PRCP: variants seen among roughly 807,000 people sequenced by gnomAD.
PRCP encodes the protein lysosomal Pro-X carboxypeptidase.
Under a neutral mutation model 54.2 loss-of-function variants are expected in PRCP, and 46 were observed. That is an observed-to-expected ratio of 0.85 (90% CI 0.67 to 1.09). The LOEUF (loss-of-function observed/expected upper bound fraction) is 1.09. Ranked by LOEUF, PRCP falls within the 50% of genes least tolerant of loss-of-function variation. The pLI is 0.00. For synonymous variants in PRCP, 240 were observed against 212.2 expected, an observed-to-expected ratio of 1.13 and a Z score of -1.14; for missense variants, 613 against 596.8, an observed-to-expected ratio of 1.03 and a Z score of -0.28.
intron 1 of PRCP, among the ~76,000 whole-genome samples, chr11:82,861,933 A>C (rs981481209): frequency 6.6e-6 from 1 of 152,168 alleles, no homozygotes; most frequent in Non-Finnish European, 1.5e-5. Context: ...CTAATCCAAA[A>C]ATCCAAAATC....
rs539956988 is a variant in PRCP, at chr11:82,850,320, T to C, written c.593+4A>G. On this transcript the variant is annotated splice_donor_region_variant and intron_variant, in intron 4 of 8. Coordinates refer to ENST00000313010, the MANE Select transcript of PRCP (RefSeq NM_005040.4). ...ACGTTCATGTCCAGTACAAATGCAC[T>C]TACCCAACTACCATATGAGGATATT... 6 of 1,516,504 alleles carry C rather than the reference T, an allele frequency of 4.0e-6. No homozygotes were observed. The East Asian group carries it at 1.2e-4, about 31-fold the overall frequency. The allele number at this position is 1,516,504 out of a possible 1,614,324, so 93.9% of individuals were successfully genotyped here.
Position 82,824,752 on chromosome 11 carries a change from G to C in PRCP, c.*154C>G, listed in dbSNP as rs1858179568. On this transcript the variant is annotated 3_prime_UTR_variant, in exon 9 of 9. Transcript: ENST00000313010. ...AGGAAATCACATTCATGGGACACTT[G>C]CTCTTACCGTCATCACCCTCTATTC... 1.4e-6 allele frequency: 1 copy of C among 736,746 alleles called. No individual in the cohort carries two copies. Among genetic ancestry groups the C allele is most frequent in the East Asian group, 2.8e-5 (1 of 36,198 alleles). The allele number at this position is 736,746 out of a possible 1,614,324, so 45.6% of individuals were successfully genotyped here. A position where few individuals can be genotyped will look rare whatever the true frequency, so the allele number is the denominator to read the frequency against.
intron 1 of PRCP, among the ~76,000 whole-genome samples, chr11:82,886,234 C>T (rs1471201733): frequency 6.6e-6 from 1 of 152,178 alleles, no homozygotes; most frequent in Non-Finnish European, 1.5e-5. Context: ...AACTTTATTA[C>T]TGTCTAATAT....
intron 4 of PRCP, 105 bp from the exon 5 acceptor site, chr11:82,850,176 A>C: frequency 3.2e-6 from 3 of 932,666 alleles, no homozygotes; most frequent in Non-Finnish European, 2.8e-6. Context: ...ACATAATAAA[A>C]ATATTGAGAA....
At chr11:82,845,611 A>G (rs532638434) in intron 6 of PRCP, 1 of 152,356 alleles carries the variant, frequency 6.6e-6, no homozygotes, top group East Asian at 1.9e-4. Flanking sequence ...GGTCGCATAC[A>G]TTACCAAACA....
chr11:82,825,246 T>A, intron 8 of PRCP, 124 bp from the exon 9 acceptor site: 1 of 839,702 alleles, frequency 1.2e-6, no homozygotes, highest in Non-Finnish European at 1.8e-6. Context: ...CTGGGGGATT[T>A]GATCTGAGGA....
At chr11:82,882,742 G>A (rs1051667611) in intron 1 of PRCP, among the ~76,000 whole-genome samples, 7 of 147,570 alleles carry the variant, frequency 4.7e-5, no homozygotes, top group East Asian at 3.9e-4. Flanking sequence ...TGATCCGCCC[G>A]CCTCGGCCTC....
intron 6 of PRCP, among the ~76,000 whole-genome samples, chr11:82,844,397 T>G (rs1858751332): frequency 6.6e-6 from 1 of 151,986 alleles, no homozygotes; most frequent in South Asian, 2.1e-4. Context: ...CACTCCAGCC[T>G]GGGTAACAGA....
intron 8 of PRCP, among the ~76,000 whole-genome samples, chr11:82,837,626 T>C (rs1412298137): frequency 2.6e-5 from 4 of 152,226 alleles, no homozygotes; most frequent in Admixed American, 6.5e-5. Context: ...TATTTCTATA[T>C]AGACTTGGGG....
At chr11:82,841,249 G>T (rs1858660518) in intron 6 of PRCP, among the ~76,000 whole-genome samples, 1 of 148,834 alleles carries the variant, frequency 6.7e-6, no homozygotes, top group Non-Finnish European at 1.5e-5. Context: ...GTTCTGCCTG[G>T]CACCAGCTGC....
At chr11:82,860,625 T>A (rs1217355892) in intron 1 of PRCP, among the ~76,000 whole-genome samples, 1 of 152,132 alleles carries the variant, frequency 6.6e-6, no homozygotes, top group Non-Finnish European at 1.5e-5. Context: ...TTTTTAAGTA[T>A]ATAATACATC....
intron 1 of PRCP, among the ~76,000 whole-genome samples, chr11:82,886,346 T>G (rs2511873): frequency 0.71 from 107,421 of 152,028 alleles, 39,472 homozygotes; most frequent in African/African-American, 0.91. Context: ...GTACAGTGGT[T>G]CAATCATAGC....
intron 1 of PRCP, chr11:82,884,901 G>A (rs754673276): frequency 1.9e-6 from 3 of 1,611,950 alleles, no homozygotes; most frequent in Non-Finnish European, 2.5e-6. Context: ...GGAAGTAAAG[G>A]CTTGATTTAT....
chr11:82,871,976 T>C (rs1016076715), intron 1 of PRCP, among the ~76,000 whole-genome samples: 7 of 152,228 alleles, frequency 4.6e-5, no homozygotes, highest in African/African-American at 1.7e-4. Context: ...CAGTTTCAGT[T>C]ACCCATGGTC....
At chr11:82,850,128 T>TTA (rs1555014893) in intron 4 of PRCP, 57 bp from the exon 5 acceptor site, 6 of 817,730 alleles carry the variant, frequency 7.3e-6, no homozygotes, top group African/African-American at 5.4e-5. Context: ...TATATATATA[T>TTA]TATATATATG....
chr11:82,865,766 A>T lies in PRCP; in HGVS notation c.169-5649T>A, dbSNP rs146479470. Among the ~76,000 whole-genome samples, 12 of 152,324 alleles carry T rather than the reference A, an allele frequency of 7.9e-5. No homozygotes were observed. In the East Asian group the frequency reaches 2.3e-3, roughly 29 times the overall value. On this transcript the variant is annotated intron_variant, in intron 1 of 8. Transcript: ENST00000313010. The stretch of plus-strand genomic sequence containing the variant: ...CCATTTGATGTGTGTGTCTTATATT[A>T]ATTTGGGGATTGTGGGGTTACATTC...
intron 1 of PRCP, among the ~76,000 whole-genome samples, chr11:82,871,177 C>CTTTTT (rs146234682): frequency 1.7e-5 from 2 of 117,406 alleles, no homozygotes; most frequent in East Asian, 2.4e-4. Flanking sequence ...AAATGTTTCT[C>CTTTTT]TTTTTTTTTT....
intron 1 of PRCP, among the ~76,000 whole-genome samples, chr11:82,888,728 A>G (rs569598438): frequency 6.6e-6 from 1 of 152,332 alleles, no homozygotes; most frequent in South Asian, 2.1e-4. Context: ...CTGACATTCT[A>G]TCATGCTCTC....
intron 2 of PRCP, among the ~76,000 whole-genome samples, chr11:82,857,653 T>C (rs774881466): frequency 1.3e-5 from 2 of 152,258 alleles, no homozygotes; most frequent in African/African-American, 2.4e-5. Flanking sequence ...ATTGTTGCTT[T>C]TTAGTGAGTT....
Sources: gnomAD v4.1 joint callset for allele counts (sites outside exome capture counted in the v4.1 genomes callset) on GRCh38, gnomAD v4.1.1 for gene constraint, MANE v1.5 for transcripts, NCBI Gene and HGNC (gene_info 2026-07-23, HGNC 2026-07-21) for gene names.